AKAP10: variants seen among roughly 807,000 people sequenced by gnomAD.
AKAP10 encodes the protein A-kinase anchoring protein 10, also known as A-kinase anchor protein 10, mitochondrial.
A neutral mutation model predicts 80.8 loss-of-function variants in AKAP10; 24 were observed. That is an observed-to-expected ratio of 0.30 (90% CI 0.22 to 0.42). AKAP10 has a LOEUF of 0.42. AKAP10 is among the 10% of genes least tolerant of loss of function. AKAP10 has a pLI of 1.00. For missense variants in AKAP10, 661 were observed against 794.9 expected (o/e 0.83, Z 2.03); for synonymous variants, 291 against 277.7 (o/e 1.05, Z -0.48).
intron 2 of AKAP10, among the ~76,000 whole-genome samples, chr17:19,967,600 T>A (rs1358017248): frequency 6.6e-6 from 1 of 152,204 alleles, no homozygotes; most frequent in African/African-American, 2.4e-5. Flanking sequence ...AGCCTACTTA[T>A]GGCCAGGCAT....
At chr17:19,961,263 A>G (rs1026251729) in intron 3 of AKAP10, among the ~76,000 whole-genome samples, 5 of 151,578 alleles carry the variant, frequency 3.3e-5, no homozygotes, top group Non-Finnish European at 5.9e-5. Flanking sequence ...CTGAGGGAGG[A>G]TCACCTGAAC....
chr17:19,925,669 T>TAA (rs1173541128), intron 10 of AKAP10, among the ~76,000 whole-genome samples: 1 of 145,638 alleles, frequency 6.9e-6, no homozygotes, highest in Non-Finnish European at 1.5e-5. Flanking sequence ...GTTAAGTAAA[T>TAA]AAAATAATTG....
At chr17:19,918,326 G>C (rs951552386) in intron 12 of AKAP10, among the ~76,000 whole-genome samples, 1 of 151,620 alleles carries the variant, frequency 6.6e-6, no homozygotes, top group African/African-American at 2.4e-5. Flanking sequence ...GATCACCTGA[G>C]GTCAGGAGTT....
chr17:19,957,048 C>T (rs901834987), intron 4 of AKAP10, among the ~76,000 whole-genome samples: 1 of 151,736 alleles, frequency 6.6e-6, no homozygotes, highest in South Asian at 2.1e-4. Flanking sequence ...CTTTAAGACA[C>T]AAAGAACATT....
chr17:19,977,709 GA>G lies in AKAP10; in HGVS notation c.-31del. 8.2e-7 allele frequency: 1 copy of G among 1,214,836 alleles called. No homozygotes were observed. The allele number at this position is 1,214,836 out of a possible 1,614,324, so 75.3% of individuals were successfully genotyped here. ...CAACCGGCCCGGACTTCCGGGTCCA[GA>G]GGGGCCGCTGCACTAGCGCGAAAAG... On this transcript the variant is annotated 5_prime_UTR_variant, in exon 1 of 15. Coordinates refer to ENST00000225737, the MANE Select transcript of AKAP10 (RefSeq NM_007202.4).
intron 10 of AKAP10, among the ~76,000 whole-genome samples, chr17:19,927,803 G>A (rs943405842): frequency 3.3e-5 from 5 of 152,032 alleles, no homozygotes; most frequent in African/African-American, 9.7e-5. Flanking sequence ...CCAGCTACTG[G>A]GGAGGCTGAG....
chr17:19,972,990 T>C (rs2043518779), intron 1 of AKAP10, among the ~76,000 whole-genome samples: 1 of 151,514 alleles, frequency 6.6e-6, no homozygotes, highest in Non-Finnish European at 1.5e-5. Flanking sequence ...CCCACTACCT[T>C]TTGTTTTGTT....
chr17:19,911,835 C>CAAAAAAAAAAAAAAAAAAAAAAAAAA (rs71157844), intron 12 of AKAP10, among the ~76,000 whole-genome samples: 2 of 54,984 alleles, frequency 3.6e-5, no homozygotes, highest in Admixed American at 3.5e-4. Context: ...AACTCTGTCA[C>CAAAAAAAAAAAAAAAAAAAAAAAAAA]AAAAAAAAAA....
chr17:19,930,026 C>T (rs1400969657), intron 10 of AKAP10, among the ~76,000 whole-genome samples: 2 of 139,894 alleles, frequency 1.4e-5, no homozygotes, highest in African/African-American at 5.3e-5. Flanking sequence ...AAAACCAAGA[C>T]ATTCTAACCT....
In AKAP10 at chr17:19,905,980, AGTAAT is replaced by A. The variant is rs2042628185; in HGVS notation, c.*242_*246del. On this transcript the variant is annotated 3_prime_UTR_variant, in exon 15 of 15. Transcript: ENST00000225737. ...GCCATTGGAAAACTAATAATTTTCT[AGTAAT>A]GTAAACAATACCATTTTGTATCTTT... 1 of 496,676 alleles carries A rather than the reference AGTAAT, an allele frequency of 2.0e-6. No homozygotes were observed. Among genetic ancestry groups the A allele is most frequent in the Non-Finnish European group, 3.6e-6 (1 of 275,238 alleles). The allele number at this position is 496,676 out of a possible 1,614,324, so 30.8% of individuals were successfully genotyped here.
chr17:19,936,386 A>T lies in AKAP10; in HGVS notation c.1367T>A (p.Val456Asp), dbSNP rs776113823. ...ATTGGATTCAATTTCTAATCGTACA[A>T]CATCATCAAATCCAAGAGGATGTGT... ...QATHPLGFDD[V>D]VRLEIESNIC... Residue 456 changes from valine (V) to aspartate (D), a missense_variant, in exon 9 of 15, where the codon GTT becomes GAT. Transcript: ENST00000225737. 17 of 1,613,478 alleles carry T rather than the reference A, an allele frequency of 1.1e-5. No individual in the cohort carries two copies. In the South Asian group the frequency reaches 1.8e-4, roughly 17 times the overall value.
intron 13 of AKAP10, 130 bp from the exon 14 acceptor site, chr17:19,909,406 T>C (rs1037507011): frequency 7.2e-6 from 6 of 838,472 alleles, no homozygotes; most frequent in African/African-American, 1.8e-5. Flanking sequence ...TTCATTCCCA[T>C]GTACGAAAAA....
At chr17:19,971,508 CAA>C (rs201771634) in intron 1 of AKAP10, among the ~76,000 whole-genome samples, 13 of 102,572 alleles carry the variant, frequency 1.3e-4, no homozygotes, top group African/African-American at 1.5e-4. Flanking sequence ...GACTCCATCT[CAA>C]AAAAAAAAAA....
chr17:19,935,455 TTTTC>T (rs1269174300), intron 9 of AKAP10, among the ~76,000 whole-genome samples: 2 of 152,260 alleles, frequency 1.3e-5, no homozygotes, highest in Middle Eastern at 3.4e-3. Context: ...TTTAAAATTT[TTTTC>T]TTTAATAATA....
intron 12 of AKAP10, among the ~76,000 whole-genome samples, chr17:19,910,768 T>C (rs915607983): frequency 7.3e-6 from 1 of 137,918 alleles, no homozygotes; most frequent in Non-Finnish European, 1.6e-5. Context: ...TGCTGCTACA[T>C]TCTAGTTCTC....
Position 19,909,958 on chromosome 17 carries a change from T to C in AKAP10, c.1855A>G (p.Met619Val), listed in dbSNP as rs1370879747. 3.7e-6 allele frequency: 6 copies of C among 1,613,720 alleles called. No individual in the cohort carries two copies. The African/African-American group carries it at 5.3e-5, about 14-fold the overall frequency. ...GTATTTCCTTGCACCCATTTCTTCA[T>C]AGCTTGTGAGAACATGGATCCTAGT... ...KSKGSMFSQAMKKWVQGNTDE... is the reference protein window; with the variant it reads ...KSKGSMFSQAVKKWVQGNTDE... Residue 619 changes from methionine (M) to valine (V), a missense_variant, in exon 13 of 15, where the codon ATG becomes GTG. By Grantham distance (21) the Met-to-Val change is conservative. Transcript: ENST00000225737.
In AKAP10 at chr17:19,905,648, T is replaced by A. The variant is rs1189902410; in HGVS notation, c.*579A>T. 1.3e-5 allele frequency: 2 copies of A among 152,662 alleles called. No homozygotes were observed. The highest frequency in any genetic ancestry group is 4.8e-5 in the African/African-American group (2 of 41,418). 9.5% of individuals were successfully genotyped at this position (152,662 alleles called of 1,614,324 possible). A position where few individuals can be genotyped will look rare whatever the true frequency, so the allele number is the denominator to read the frequency against. ...GAGGAAGTCACTGAAACTTGACCCA[T>A]GACTTGTCAGTTTCCTTCCAAATTA... On this transcript the variant is annotated 3_prime_UTR_variant, in exon 15 of 15. Transcript: ENST00000225737.
intron 2 of AKAP10, among the ~76,000 whole-genome samples, chr17:19,964,845 CG>C (rs1555580396): frequency 6.6e-6 from 1 of 152,140 alleles, no homozygotes; most frequent in Non-Finnish European, 1.5e-5. Context: ...GTGAGCTGCG[CG>C]ATCTCGCCAC....
intron 9 of AKAP10, among the ~76,000 whole-genome samples, chr17:19,933,540 TTC>T (rs1415496299): frequency 6.6e-6 from 1 of 152,210 alleles, no homozygotes; most frequent in Non-Finnish European, 1.5e-5. Flanking sequence ...TTTTGCATTT[TTC>T]TCTCTGCATT....
Sources: allele counts gnomAD v4.1 joint callset (sites outside exome capture counted in the v4.1 genomes callset), GRCh38; gene constraint gnomAD v4.1.1; transcripts MANE v1.5; gene names NCBI Gene and HGNC (gene_info 2026-07-23, HGNC 2026-07-21).